ACACB: variants seen among roughly 807,000 people sequenced by gnomAD.
The protein encoded by ACACB is acetyl-CoA carboxylase beta.
In ACACB, 209 loss-of-function variants were observed where a neutral mutation model predicts 278.8. That is an observed-to-expected ratio of 0.75 (90% CI 0.67 to 0.84). The LOEUF (loss-of-function observed/expected upper bound fraction) is 0.84. ACACB is among the 40% of genes least tolerant of loss of function. The pLI is 0.00. For missense variants in ACACB, 2,850 were observed against 3,269.0 expected, an observed-to-expected ratio of 0.87 and a Z score of 3.13; for synonymous variants, 1,174 against 1,285.6, an observed-to-expected ratio of 0.91 and a Z score of 1.86.
At chr12:109,261,984 C>T (rs1297951653) in intron 48 of ACACB, among the ~76,000 whole-genome samples, 1 of 151,658 alleles carries the variant, frequency 6.6e-6, no homozygotes, top group Admixed American at 6.6e-5. Context: ...AGATTTAAAG[C>T]GATCAGAAAC....
intron 46 of ACACB, among the ~76,000 whole-genome samples, 181 bp downstream of exon 46, chr12:109,258,545 T>C (rs531076888): frequency 2.0e-5 from 3 of 152,290 alleles, no homozygotes; most frequent in East Asian, 3.9e-4. Flanking sequence ...ATGGGTTGCA[T>C]AAATGGCTGC....
At chr12:109,226,084 T>C (rs1450765250) in intron 27 of ACACB, among the ~76,000 whole-genome samples, 5 of 151,074 alleles carry the variant, frequency 3.3e-5, no homozygotes, top group Admixed American at 2.6e-4. Context: ...CTGGGCAACA[T>C]AGGAAGATCC....
chr12:109,206,434 A>AAAAAAAAAAAACAAAAC (rs2045514240), intron 19 of ACACB, among the ~76,000 whole-genome samples: 2 of 151,330 alleles, frequency 1.3e-5, no homozygotes, highest in African/African-American at 2.4e-5. Flanking sequence ...GTCTCAAAAA[A>AAAAAAAAAAAACAAAAC]AAAAAAAAAA....
intron 9 of ACACB, among the ~76,000 whole-genome samples, chr12:109,176,997 T>TA (rs2044304046): frequency 6.6e-6 from 1 of 152,248 alleles, no homozygotes; most frequent in African/African-American, 2.4e-5. Context: ...TTATGTCCGT[T>TA]ATCAGCAATG....
intron 36 of ACACB, 125 bp downstream of exon 36, chr12:109,241,406 T>C (rs540912503): frequency 1.0e-6 from 1 of 963,150 alleles, no homozygotes; most frequent in Non-Finnish European, 1.6e-6. Context: ...CATTCTGGGT[T>C]GGGGTAGCCC....
At chr12:109,250,138 C>A (rs1593703116) in intron 41 of ACACB, 34 bp downstream of exon 41, 2 of 1,550,708 alleles carry the variant, frequency 1.3e-6, no homozygotes, top group East Asian at 2.3e-5. Context: ...TACTTTTCAA[C>A]TTTCCATTAT....
At chr12:109,146,591 C>A (rs1265703563) in intron 2 of ACACB, among the ~76,000 whole-genome samples, 1 of 152,218 alleles carries the variant, frequency 6.6e-6, no homozygotes, top group East Asian at 1.9e-4. Context: ...AGACCTCCCA[C>A]CAGGGCCAGC....
At chr12:109,222,654 G>A (rs542043733) in intron 25 of ACACB, 34 bp downstream of exon 25, 12 of 1,578,210 alleles carry the variant, frequency 7.6e-6, no homozygotes, top group African/African-American at 4.1e-5. Context: ...CACGATGTGC[G>A]TTTCCCCCCA....
intron 19 of ACACB, among the ~76,000 whole-genome samples, chr12:109,206,395 C>T (rs1414592455): frequency 2.1e-5 from 3 of 145,196 alleles, no homozygotes; most frequent in African/African-American, 7.9e-5. Context: ...GGTCATGCCA[C>T]TGCAGTCCAG....
At chr12:109,224,009 C>A (rs2046250443) in intron 27 of ACACB, 105 bp downstream of exon 27, 1 of 960,196 alleles carries the variant, frequency 1.0e-6, no homozygotes, top group Non-Finnish European at 1.7e-6. Context: ...TGAATGTGAT[C>A]CTATCCTTTT....
chr12:109,237,041 T>G lies in ACACB; in HGVS notation c.4447-124T>G, dbSNP rs981786096. 5 of 911,490 alleles carry G rather than the reference T, an allele frequency of 5.5e-6. No homozygotes were observed. In the African/African-American group the frequency reaches 6.5e-5, roughly 12 times the overall value. 56.5% of individuals were successfully genotyped at this position (911,490 alleles called of 1,614,324 possible). On this transcript the variant is annotated intron_variant, in intron 33 of 52. Transcript: ENST00000338432. ...TTAGGGAACATCATGAATGCTGCAT[T>G]CCTGAGTGCCAAACCCATGGACACC...
At chr12:109,184,396 A>G (rs2044583736) in intron 11 of ACACB, among the ~76,000 whole-genome samples, 2 of 152,154 alleles carry the variant, frequency 1.3e-5, no homozygotes, top group Non-Finnish European at 2.9e-5. Context: ...AACCTTCGTA[A>G]CATATGGCCT....
In ACACB at chr12:109,210,516, T is replaced by C. The variant is rs140951906; in HGVS notation, c.3249+1163T>C. ...ATACATGTATGTGTATATACGCACA[T>C]ACATGTGTATATGTGTATATATACG... On this transcript the variant is annotated intron_variant, in intron 21 of 52. Coordinates refer to ENST00000338432, the MANE Select transcript of ACACB (RefSeq NM_001093.4). Among the ~76,000 whole-genome samples, 159 of 148,794 alleles carry C rather than the reference T, an allele frequency of 1.1e-3. 1 individual carries two copies. The highest frequency in any genetic ancestry group is 3.6e-3 in the African/African-American group (147 of 40,790).
chr12:109,249,072 T>C (rs1190566988), intron 40 of ACACB: 2 of 152,214 alleles, frequency 1.3e-5, no homozygotes, highest in Non-Finnish European at 2.9e-5. Context: ...GAGAAGTTTA[T>C]TTTGCCAAGG....
chr12:109,222,855 C>T lies in ACACB; in HGVS notation c.3735C>T (p.Ser1245=). Residue 1245 remains serine (S), a synonymous_variant, in exon 26 of 53, where the codon TCC becomes TCT. Transcript: ENST00000338432. ...SYELRHNQVE[S]IFLSAIDMYG... ...AGCTGCGGCATAACCAGGTGGAGTC[C>T]ATTTTCCTGTCTGCCATTGACATGT... The T allele has an allele frequency of 6.2e-7, 1 of 1,613,978 alleles. No individual in the cohort carries two copies. The highest frequency in any genetic ancestry group is 1.7e-5 in the Admixed American group (1 of 60,008).
Position 109,206,723 on chromosome 12 carries a change from CAGG to C in ACACB, c.2930_2932del (p.Gly977del), listed in dbSNP as rs746152415. On this transcript the variant is annotated inframe_deletion, in exon 20 of 53. Transcript: ENST00000338432. ...GTGTCTCATCAGGCTGAACCGTTCA[CAGG>C]AGAACTCCCTGCCCAGCAGACACTG... The C allele has an allele frequency of 6.2e-7, 1 of 1,614,086 alleles. No homozygotes were observed. The highest frequency in any genetic ancestry group is 1.7e-5 in the Admixed American group (1 of 60,020).
intron 1 of ACACB, among the ~76,000 whole-genome samples, chr12:109,123,729 C>G (rs2042609265): frequency 1.2e-5 from 1 of 81,798 alleles, no homozygotes; most frequent in Non-Finnish European, 2.4e-5. Flanking sequence ...ACTCTGTCGC[C>G]CAGGCTGGAG....
At position 109,139,733 on chromosome 12, in the gene ACACB, G is replaced by A; in HGVS notation, c.328G>A (p.Ala110Thr). The A allele has an allele frequency of 6.2e-7, 1 of 1,614,094 alleles. No individual in the cohort carries two copies. The highest frequency in any genetic ancestry group is 8.5e-7 in the Non-Finnish European group (1 of 1,180,028). ...PRNPLSSSDA[A>T]PSPELQANGT... ...AAACCCCCTTTCTTCCAGTGACGCA[G>A]CACCCTCCCCAGAGCTTCAAGCCAA... The change falls in exon 2 of 53, where the codon GCA becomes ACA. Residue 110 changes from alanine to threonine, a missense_variant. This residue lies in a region of ACACB where 2,265 missense variants were observed against 2,561.3 expected (regional missense o/e 0.88). Transcript: ENST00000338432.
chr12:109,172,846 G>A (rs1296637815), intron 6 of ACACB, among the ~76,000 whole-genome samples: 1 of 152,108 alleles, frequency 6.6e-6, no homozygotes, highest in East Asian at 1.9e-4. Context: ...AAAATCATTC[G>A]ACCATAAAGA....
Sources: gnomAD v4.1 joint callset for allele counts (sites outside exome capture counted in the v4.1 genomes callset) on GRCh38, gnomAD v4.1.1 for gene constraint, gnomAD v4.1.1 regional missense constraint, MANE v1.5 for transcripts, NCBI Gene and HGNC (gene_info 2026-07-23, HGNC 2026-07-21) for gene names.